The following FREM3 variants were observed in gnomAD, a reference collection of about 807,000 sequenced individuals.
The protein encoded by FREM3 is FRAS1 related extracellular matrix 3.
FREM3 carries 105 observed loss-of-function variants against 129.1 expected under a neutral mutation model. The observed-to-expected ratio is 0.81, with a 90% CI of 0.69 to 0.96. The LOEUF is 0.96. FREM3 is among the 40% of genes least tolerant of loss of function. The pLI is 0.00. For missense variants in FREM3, 2,593 were observed against 2,666.3 expected, an observed-to-expected ratio of 0.97 and a Z score of 0.61; for synonymous variants, 1,014 against 1,044.9, an observed-to-expected ratio of 0.97 and a Z score of 0.57.
chr4:143,637,904 G>T (rs1016709944), intron 2 of FREM3, among the ~76,000 whole-genome samples: 2 of 152,086 alleles, frequency 1.3e-5, no homozygotes, highest in Non-Finnish European at 1.5e-5. Context: ...TGCTCACATG[G>T]TTGGTGGGTG....
intron 2 of FREM3, among the ~76,000 whole-genome samples, chr4:143,634,064 T>C (rs913264434): frequency 2.0e-5 from 3 of 152,034 alleles, no homozygotes; most frequent in African/African-American, 7.3e-5. Context: ...GTAGGTATAG[T>C]AGTACAGCAG....
Position 143,624,089 on chromosome 4 carries a change from A to T in FREM3, c.5653+19T>A. 1.4e-6 allele frequency: 2 copies of T among 1,396,104 alleles called. No homozygotes were observed. Among genetic ancestry groups the T allele is most frequent in the Non-Finnish European group, 2.0e-6 (2 of 1,018,332 alleles). 86.5% of individuals were successfully genotyped at this position (1,396,104 alleles called of 1,614,324 possible). The stretch of plus-strand genomic sequence containing the variant: ...GAACCTGTACTGGTTAATAAAGCAA[A>T]TCAATCAGTGTCACATACCATCTCC... On this transcript the variant is annotated intron_variant, in intron 4 of 7. Coordinates refer to ENST00000329798, the MANE Select transcript of FREM3 (RefSeq NM_001168235.2).
At chr4:143,642,848 A>G (rs554792117) in intron 2 of FREM3, among the ~76,000 whole-genome samples, 1 of 152,282 alleles carries the variant, frequency 6.6e-6, no homozygotes, top group Admixed American at 6.5e-5. Context: ...AATGGTAGGA[A>G]GTGTTTGCAA....
chr4:143,586,096 A>G (rs1296154368), intron 6 of FREM3, 103 bp from the exon 7 acceptor site: 2 of 1,148,198 alleles, frequency 1.7e-6, no homozygotes, highest in African/African-American at 1.6e-5. Flanking sequence ...ATTGTCAGAC[A>G]TGACAGATCC....
intron 2 of FREM3, among the ~76,000 whole-genome samples, chr4:143,683,306 C>T (rs1740288944): frequency 6.6e-6 from 1 of 152,176 alleles, no homozygotes. Context: ...CTGAAGGAAG[C>T]GGACTGTTCC....
At position 143,580,447 on chromosome 4, in the gene FREM3, G is replaced by A. The variant is rs574117470; in HGVS notation, c.6179-2595C>T. On this transcript the variant is annotated intron_variant, in intron 7 of 7. Coordinates refer to ENST00000329798, the MANE Select transcript of FREM3 (RefSeq NM_001168235.2). ...ACCACCCCTACCACTGGTGCCTCCA[G>A]ACAGACACAGGGAACTGTGTGGAGA... Among the ~76,000 whole-genome samples, 18 of 152,270 alleles carry A rather than the reference G, an allele frequency of 1.2e-4. No individual in the cohort carries two copies. The Middle Eastern group carries it at 0.01, about 86-fold the overall frequency.
intron 6 of FREM3, among the ~76,000 whole-genome samples, chr4:143,594,584 T>G (rs1000318659): frequency 2.2e-4 from 33 of 152,228 alleles, no homozygotes; most frequent in African/African-American, 8.0e-4. Context: ...TTACCTACAT[T>G]TTTAGCAGAG....
Position 143,698,986 on chromosome 4 carries a change from G to C in FREM3, c.1690C>G (p.Pro564Ala), listed in dbSNP as rs560182113. The part of the protein sequence containing the change: ...LTEGQVVQIS[P>A]FVLSATDIDS... ...ATATCAGTAGCACTCAGTACAAAGG[G>C]AGAGATCTGGACCACCTGCCCTTCA... Residue 564 changes from proline (P) to alanine (A), a missense_variant, in exon 1 of 8, where the codon CCC becomes GCC. By Grantham distance (27) the Pro-to-Ala change is conservative. This residue lies in a region of FREM3 where 2,276 missense variants were observed against 2,267.2 expected (regional missense o/e 1.00). Transcript: ENST00000329798. The C allele has an allele frequency of 3.9e-6, 6 of 1,537,306 alleles. No homozygotes were observed. Among genetic ancestry groups the C allele is most frequent in the Non-Finnish European group, 4.4e-6 (5 of 1,146,920 alleles).
At chr4:143,678,591 C>G (rs1209755324) in intron 2 of FREM3, among the ~76,000 whole-genome samples, 1 of 151,672 alleles carries the variant, frequency 6.6e-6, no homozygotes, top group Non-Finnish European at 1.5e-5. Context: ...TTTGAAGCAA[C>G]TATGGAATTT....
chr4:143,661,423 A>G (rs1354406533), intron 2 of FREM3, among the ~76,000 whole-genome samples: 2 of 152,042 alleles, frequency 1.3e-5, no homozygotes, highest in Non-Finnish European at 2.9e-5. Flanking sequence ...CCAGCCTTGC[A>G]TCCCAGGGAT....
At chr4:143,642,269 G>C (rs550025381) in intron 2 of FREM3, among the ~76,000 whole-genome samples, 1 of 152,062 alleles carries the variant, frequency 6.6e-6, no homozygotes, top group Admixed American at 6.6e-5. Context: ...CCCTGTCAAA[G>C]TACCAATGAC....
intron 6 of FREM3, among the ~76,000 whole-genome samples, chr4:143,601,544 T>C (rs60749283): frequency 0.046 from 6,970 of 152,328 alleles, 434 homozygotes; most frequent in African/African-American, 0.14. Flanking sequence ...AGTGCTTATA[T>C]ATAGAACAGA....
intron 2 of FREM3, among the ~76,000 whole-genome samples, chr4:143,669,746 T>G (rs944830922): frequency 2.6e-5 from 4 of 151,972 alleles, no homozygotes; most frequent in Non-Finnish European, 4.4e-5. Flanking sequence ...TTGCCTATAG[T>G]TTTTGCTTTA....
chr4:143,687,523 TC>T (rs1740391059), intron 2 of FREM3, among the ~76,000 whole-genome samples: 1 of 152,168 alleles, frequency 6.6e-6, no homozygotes, highest in African/African-American at 2.4e-5. Flanking sequence ...GAAGCCAGCA[TC>T]ACCCTATTAC....
chr4:143,694,223 G>A (rs1480115255), intron 1 of FREM3, among the ~76,000 whole-genome samples: 1 of 152,190 alleles, frequency 6.6e-6, no homozygotes, highest in Non-Finnish European at 1.5e-5. Flanking sequence ...GCCCAGCAAG[G>A]AGGGCAGTCT....
rs1159654127 is a variant in FREM3, at chr4:143,621,213, A to T, written c.5654-51T>A. On this transcript the variant is annotated intron_variant, in intron 4 of 7. Coordinates refer to ENST00000329798, the MANE Select transcript of FREM3 (RefSeq NM_001168235.2). ...CACCAAGATTTAGATTTGATCGGTG[A>T]TATTTAAACACACCTGAGCAGAAAT... 2.0e-6 allele frequency: 3 copies of T among 1,507,552 alleles called. No homozygotes were observed. The African/African-American group carries it at 4.2e-5, about 21-fold the overall frequency. The allele number at this position is 1,507,552 out of a possible 1,614,324, so 93.4% of individuals were successfully genotyped here.
intron 5 of FREM3, among the ~76,000 whole-genome samples, chr4:143,616,298 G>C (rs371037629): frequency 5.3e-5 from 8 of 152,172 alleles, no homozygotes; most frequent in East Asian, 1.9e-4. Context: ...CCTTCAGTAA[G>C]GGGACTTTTA....
intron 6 of FREM3, among the ~76,000 whole-genome samples, chr4:143,599,799 T>G (rs910942374): frequency 7.9e-5 from 12 of 152,166 alleles, no homozygotes; most frequent in African/African-American, 2.9e-4. Flanking sequence ...CATTCTAGCC[T>G]CCAGGGAAAT....
intron 4 of FREM3, among the ~76,000 whole-genome samples, chr4:143,622,136 G>T (rs1004500671): frequency 1.3e-5 from 2 of 150,774 alleles, no homozygotes; most frequent in East Asian, 3.9e-4. Flanking sequence ...TGTCACCCAG[G>T]CTGGAGGAGT....
Sources: allele counts gnomAD v4.1 joint callset (sites outside exome capture counted in the v4.1 genomes callset), GRCh38; gene constraint gnomAD v4.1.1; regional missense constraint gnomAD v4.1.1; transcripts MANE v1.5; gene names NCBI Gene and HGNC (gene_info 2026-07-23, HGNC 2026-07-21).